PSTPIP2: variants seen among roughly 807,000 people sequenced by gnomAD.
PSTPIP2 encodes proline-serine-threonine phosphatase-interacting protein 2.
PSTPIP2 carries 33 observed loss-of-function variants against 63.3 expected under a neutral mutation model. The observed-to-expected ratio is 0.52, with a 90% confidence interval of 0.40 to 0.70. The LOEUF is 0.70. Ranked by LOEUF, PSTPIP2 falls within the 30% of genes least tolerant of loss-of-function variation. PSTPIP2 has a pLI of 0.00. For synonymous variants in PSTPIP2, 125 were observed against 132.7 expected (o/e 0.94, Z 0.40); for missense variants, 312 against 400.7 (o/e 0.78, Z 1.89).
chr18:46,057,891 G>A (rs181882796), intron 1 of PSTPIP2, among the ~76,000 whole-genome samples: 1,749 of 151,364 alleles, frequency 0.012, 9 homozygotes, highest in Non-Finnish European at 0.016. Flanking sequence ...CCAGCTACTC[G>A]GGAGGCTGAG....
intron 1 of PSTPIP2, among the ~76,000 whole-genome samples, chr18:46,044,273 C>T (rs1368050120): frequency 6.6e-6 from 1 of 152,170 alleles, no homozygotes; most frequent in Non-Finnish European, 1.5e-5. Context: ...TACAAGGCTA[C>T]AGTAACCAAA....
intron 1 of PSTPIP2, among the ~76,000 whole-genome samples, chr18:46,057,036 G>A (rs1003877460): frequency 1.1e-4 from 17 of 151,666 alleles, no homozygotes; most frequent in Non-Finnish European, 1.6e-4. Context: ...CCGGGGAGGC[G>A]GAGGTTGCAG....
chr18:45,999,831 T>C (rs1355456629), intron 6 of PSTPIP2, among the ~76,000 whole-genome samples: 2 of 152,166 alleles, frequency 1.3e-5, no homozygotes, highest in East Asian at 1.9e-4. Flanking sequence ...AAACGAAAGA[T>C]GGAATTTGAA....
chr18:45,989,212 T>C (rs2051497579), intron 13 of PSTPIP2, among the ~76,000 whole-genome samples: 1 of 152,098 alleles, frequency 6.6e-6, no homozygotes, highest in Non-Finnish European at 1.5e-5. Context: ...TGGCTCTGTG[T>C]CCCCACCCAA....
intron 1 of PSTPIP2, among the ~76,000 whole-genome samples, chr18:46,049,008 ATGTGTGTGTG>A (rs59638072): frequency 0.094 from 12,758 of 136,304 alleles, 995 homozygotes; most frequent in African/African-American, 0.22. Flanking sequence ...GAAAAAAAGC[ATGTGTGTGTG>A]TGTGTGTGTG....
chr18:46,048,882 CATTGT>C (rs932562842), intron 1 of PSTPIP2, among the ~76,000 whole-genome samples: 1 of 151,964 alleles, frequency 6.6e-6, no homozygotes, highest in Admixed American at 6.6e-5. Flanking sequence ...CCTGATTTGT[CATTGT>C]ATTGTGATTG....
chr18:46,010,861 C>A (rs1253824029), intron 5 of PSTPIP2: 1 of 231,738 alleles, frequency 4.3e-6, no homozygotes, highest in Non-Finnish European at 8.6e-6. Flanking sequence ...TGGGAGCCGT[C>A]CAGCTGGGAT....
rs2051520080 is a variant in PSTPIP2 at position 45,990,717 on chromosome 18, C to CT, written c.955+4_955+5insA. On this transcript the variant is annotated splice_donor_region_variant and intron_variant, in intron 13 of 14. Coordinates refer to ENST00000409746, the MANE Select transcript of PSTPIP2 (RefSeq NM_024430.4). ...AATTTCAAAAGACCTTTTTTAGTGGCATACCTGGTGAGCTTTTAGGAATTG... is the reference window on the plus strand; with the variant it reads ...AATTTCAAAAGACCTTTTTTAGTGGCTATACCTGGTGAGCTTTTAGGAATTG... 6 of 1,604,142 alleles carry CT rather than the reference C, an allele frequency of 3.7e-6. No homozygotes were observed. Among genetic ancestry groups the CT allele is most frequent in the Admixed American group, 1.7e-5 (1 of 59,770 alleles).
chr18:46,001,819 T>C (rs1047096517), intron 6 of PSTPIP2, among the ~76,000 whole-genome samples: 1 of 152,200 alleles, frequency 6.6e-6, no homozygotes, highest in Non-Finnish European at 1.5e-5. Context: ...GATGCAGGCA[T>C]GCAATGCAAA....
At chr18:46,062,094 C>T (rs1909011759) in intron 1 of PSTPIP2, among the ~76,000 whole-genome samples, 3 of 152,154 alleles carry the variant, frequency 2.0e-5, no homozygotes, top group African/African-American at 7.2e-5. Flanking sequence ...CAAAACTAAG[C>T]TCAGAAGTTA....
chr18:45,992,261 C>G, intron 10 of PSTPIP2, 59 bp from the exon 11 acceptor site: 2 of 1,419,112 alleles, frequency 1.4e-6, no homozygotes, highest in Non-Finnish European at 1.9e-6. Flanking sequence ...TGACACAGCT[C>G]CTTAAAAACA....
At position 46,015,935 on chromosome 18, in the gene PSTPIP2, G is replaced by A; in HGVS notation, c.215C>T (p.Thr72Ile). The change falls in exon 4 of 15, where the codon ACC becomes ATC. Residue 72 changes from threonine (T) to isoleucine (I), a missense_variant and splice_region_variant. Transcript: ENST00000409746. ...KKPCGQSEIN[T>I]LKRALEVFKQ... ...GAAGACTTCAAGGGCCCGCTTCAGG[G>A]TGCTAAAAAAAACAAGCACATATAT... 6.2e-7 allele frequency: 1 copy of A among 1,612,048 alleles called. No homozygotes were observed. The highest frequency in any genetic ancestry group is 8.5e-7 in the Non-Finnish European group (1 of 1,178,960).
intron 5 of PSTPIP2, among the ~76,000 whole-genome samples, chr18:46,006,756 T>C (rs935061600): frequency 2.0e-5 from 3 of 152,188 alleles, no homozygotes; most frequent in Non-Finnish European, 4.4e-5. Context: ...GTGCTGTTAA[T>C]ACTTGTTAGC....
chr18:46,003,369 G>T lies in PSTPIP2; in HGVS notation c.417+2100C>A, dbSNP rs556876529. ...TGTTCTCTGTTGCCACCTTGGCAGG[G>T]GAGTTGGGTGCTCTCTACAGCCTGG... On this transcript the variant is annotated intron_variant, in intron 6 of 14. Transcript: ENST00000409746. Among the ~76,000 whole-genome samples the T allele has an allele frequency of 2.0e-5, 3 of 152,286 alleles. No homozygotes were observed. In the East Asian group the frequency reaches 5.8e-4, roughly 29 times the overall value.
At chr18:46,039,793 A>C (rs1392174063) in intron 2 of PSTPIP2, among the ~76,000 whole-genome samples, 154 bp downstream of exon 2, 2 of 152,230 alleles carry the variant, frequency 1.3e-5, no homozygotes, top group Non-Finnish European at 2.9e-5. Flanking sequence ...TTAGGACAGA[A>C]GTATCATGTA....
chr18:45,997,689 C>T, intron 9 of PSTPIP2, 60 bp downstream of exon 9: 1 of 442,422 alleles, frequency 2.3e-6, no homozygotes, highest in East Asian at 7.5e-5. Flanking sequence ...TGAGCAGCTT[C>T]CTGTTACACA....
intron 3 of PSTPIP2, among the ~76,000 whole-genome samples, chr18:46,022,865 T>C (rs1010507823): frequency 6.6e-6 from 1 of 152,114 alleles, no homozygotes; most frequent in African/African-American, 2.4e-5. Context: ...AGAATTGACC[T>C]AAATGCCCAT....
intron 9 of PSTPIP2, chr18:45,993,965 TCTAA>T (rs566887039): frequency 3.0e-4 from 126 of 420,964 alleles, no homozygotes; most frequent in African/African-American, 2.4e-3. Context: ...ATACCAATGT[TCTAA>T]CTGAGTTCCT....
At chr18:45,987,341 TA>T (rs1210794490) in intron 14 of PSTPIP2, among the ~76,000 whole-genome samples, 5 of 152,208 alleles carry the variant, frequency 3.3e-5, no homozygotes, top group Admixed American at 1.3e-4. Context: ...ACAGTATATG[TA>T]ACCAACACCA....
Sources: gnomAD v4.1 joint callset for allele counts (sites outside exome capture counted in the v4.1 genomes callset) on GRCh38, gnomAD v4.1.1 for gene constraint, MANE v1.5 for transcripts, NCBI Gene and HGNC (gene_info 2026-07-23, HGNC 2026-07-21) for gene names.